KAT6A: variants seen among roughly 807,000 people sequenced by gnomAD.
The protein encoded by KAT6A is lysine acetyltransferase 6A.
A neutral mutation model predicts 198.4 loss-of-function variants in KAT6A; 9 were observed. The ratio of observed to expected loss-of-function variants is 0.05; its 90% CI spans 0.03 to 0.08. The LOEUF is 0.08. KAT6A is among the 10% of genes least tolerant of loss of function. The probability of loss-of-function intolerance (pLI) is 1.00; values close to 1 mark genes in which losing one functional copy is unlikely to be tolerated. For synonymous variants in KAT6A, 890 were observed against 883.0 expected (o/e 1.01, Z -0.14); for missense variants, 2,077 against 2,509.9 (o/e 0.83, Z 3.69).
chr8:41,947,694 A>G, intron 11 of KAT6A, 57 bp downstream of exon 11: 1 of 1,418,948 alleles, frequency 7.0e-7, no homozygotes, highest in Non-Finnish European at 9.7e-7. Context: ...GAGAACCAGC[A>G]AAGATTCTTT....
intron 2 of KAT6A, among the ~76,000 whole-genome samples, chr8:41,988,059 A>C (rs1824717040): frequency 6.6e-6 from 1 of 152,238 alleles, no homozygotes; most frequent in South Asian, 2.1e-4. Flanking sequence ...AGGAAGGGAA[A>C]GGTTGAAAGG....
intron 8 of KAT6A, among the ~76,000 whole-genome samples, chr8:41,959,255 T>A (rs1323063957): frequency 6.7e-6 from 1 of 150,128 alleles, no homozygotes; most frequent in Non-Finnish European, 1.5e-5. Context: ...ATGCTCAACA[T>A]CACTAATAAT....
rs931684696 is a variant in KAT6A at position 41,933,483 on chromosome 8, C to T, written c.4737G>A (p.Gly1579=). 1.9e-6 allele frequency: 3 copies of T among 1,613,406 alleles called. No homozygotes were observed. In the East Asian group the frequency reaches 6.7e-5, roughly 36 times the overall value. Residue 1579 remains glycine, a synonymous_variant, in exon 17 of 17, where the codon GGG becomes GGA. Coordinates refer to ENST00000265713, the MANE Select transcript of KAT6A (RefSeq NM_006766.5). The surrounding 1 kb of genome is among the most constrained non-coding windows in gnomAD (Gnocchi z 6.2). ...YDSTMGGSIC[G]NSSSQSSCSY... ...AGCAGCTGCTCTGGGAAGAGCTGTT[C>T]CCACAGATGCTGCCGCCCATCGTGG...
Position 41,974,800 on chromosome 8 carries a change from G to T in KAT6A, c.1386C>A (p.Gly462=), listed in dbSNP as rs1310578798. 6.2e-7 allele frequency: 1 copy of T among 1,608,550 alleles called. No individual in the cohort carries two copies. The highest frequency in any genetic ancestry group is 1.3e-5 in the African/African-American group (1 of 74,684). ...WPTDNQDGWD[G]KQENEERLFG... is the part of the protein sequence containing the mutation. ...AAAGTCGCTCCTCATTTTCTTGTTTGCCATCCCAGCCATCCTGATTGTCTA... is the reference window on the plus strand; with the variant it reads ...AAAGTCGCTCCTCATTTTCTTGTTTTCCATCCCAGCCATCCTGATTGTCTA... Residue 462 remains glycine, a synonymous_variant, in exon 8 of 17, where the codon GGC becomes GGA. Coordinates refer to ENST00000265713, the MANE Select transcript of KAT6A (RefSeq NM_006766.5).
At chr8:42,007,789 C>G (rs551032415) in intron 2 of KAT6A, among the ~76,000 whole-genome samples, 2 of 151,658 alleles carry the variant, frequency 1.3e-5, no homozygotes, top group African/African-American at 2.4e-5. Flanking sequence ...GGTGAAACCC[C>G]GTCTCTACTA....
rs1028929108 is a variant in KAT6A at position 41,931,586 on chromosome 8, G to A, written c.*619C>T. The A allele has an allele frequency of 1.5e-5, 3 of 201,172 alleles. No individual in the cohort carries two copies. Among genetic ancestry groups the A allele is most frequent in the Non-Finnish European group, 3.1e-5 (3 of 97,782 alleles). 12.5% of individuals were successfully genotyped at this position (201,172 alleles called of 1,614,324 possible). A position where few individuals can be genotyped will look rare whatever the true frequency, so the allele number is the denominator to read the frequency against. On this transcript the variant is annotated 3_prime_UTR_variant, in exon 17 of 17. Coordinates refer to ENST00000265713, the MANE Select transcript of KAT6A (RefSeq NM_006766.5). ...AAGAGGTGTGTGTGTGTGAGGAGTG[G>A]AGGGGATTTTAAAAGGAGAAGCATT...
chr8:41,965,400 A>G (rs985263940), intron 8 of KAT6A, among the ~76,000 whole-genome samples: 21 of 152,354 alleles, frequency 1.4e-4, no homozygotes, highest in African/African-American at 3.6e-4. Context: ...GCCACAGGCC[A>G]TATTTTGCCA....
intron 2 of KAT6A, among the ~76,000 whole-genome samples, chr8:41,998,456 T>C (rs993722325): frequency 2.6e-5 from 4 of 152,160 alleles, no homozygotes; most frequent in Non-Finnish European, 5.9e-5. Context: ...TTTTTCATTC[T>C]TTCACTAATA....
rs1821432862 is a variant in KAT6A at position 41,929,749 on chromosome 8, G to A, written c.*2456C>T. 1 of 192,782 alleles carries A rather than the reference G, an allele frequency of 5.2e-6. No homozygotes were observed. The allele number at this position is 192,782 out of a possible 1,614,324, so 11.9% of individuals were successfully genotyped here. ...GATAGACGTGGCTTCCTTTGTACAT[G>A]CGGCTTTTAGAGGCATCTGGAGCTC... is the stretch of plus-strand genomic sequence containing the variant. On this transcript the variant is annotated 3_prime_UTR_variant, in exon 17 of 17. Transcript: ENST00000265713.
chr8:42,040,271 A>C (rs1310682622), intron 2 of KAT6A, among the ~76,000 whole-genome samples: 1 of 152,206 alleles, frequency 6.6e-6, no homozygotes, highest in African/African-American at 2.4e-5. Context: ...ATACAGAGCA[A>C]AGAAAAAACG....
chr8:41,960,959 T>A (rs929365456), intron 8 of KAT6A, among the ~76,000 whole-genome samples: 6 of 152,312 alleles, frequency 3.9e-5, no homozygotes, highest in African/African-American at 1.4e-4. Flanking sequence ...TAATCGAAGT[T>A]ATTACCTTAA....
chr8:41,989,193 GT>G (rs1242083223), intron 2 of KAT6A, among the ~76,000 whole-genome samples: 1 of 152,100 alleles, frequency 6.6e-6, no homozygotes, highest in Non-Finnish European at 1.5e-5. Context: ...GGTGAGCTTA[GT>G]TTGGGGCTTA....
chr8:41,934,374 C>G lies in KAT6A; in HGVS notation c.3846G>C (p.Glu1282Asp), dbSNP rs370570707. The change falls in exon 17 of 17, where the codon GAG becomes GAC. Residue 1282 changes from glutamate (E) to aspartate (D), a missense_variant. Physicochemically the swap from Glu to Asp is conservative, Grantham distance 45. This residue lies in a region of KAT6A where 375 missense variants were observed against 383.0 expected (regional missense o/e 0.98). Transcript: ENST00000265713. ...EEEEKPRVSE[E>D]QRQSEEEQQE... ...GCTGCTCCTCCTCTGACTGCCTCTG[C>G]TCCTCTGAGACACGGGGCTTCTCTT... 1.2e-5 allele frequency: 20 copies of G among 1,613,988 alleles called. No individual in the cohort carries two copies. Among genetic ancestry groups the G allele is most frequent in the Non-Finnish European group, 3.4e-6 (4 of 1,179,972 alleles).
intron 2 of KAT6A, among the ~76,000 whole-genome samples, chr8:42,016,699 T>G (rs1826286375): frequency 6.6e-6 from 1 of 152,154 alleles, no homozygotes; most frequent in Admixed American, 6.5e-5. Context: ...GTAGATGGCT[T>G]TACTATAAAG....
chr8:42,017,705 C>T (rs1330634841), intron 2 of KAT6A, among the ~76,000 whole-genome samples: 2 of 152,040 alleles, frequency 1.3e-5, no homozygotes, highest in Admixed American at 6.6e-5. Context: ...CAAGGAAGCC[C>T]GAACCTTGTC....
chr8:42,039,826 C>G (rs1314191200), intron 2 of KAT6A, among the ~76,000 whole-genome samples: 1 of 152,008 alleles, frequency 6.6e-6, no homozygotes, highest in Admixed American at 6.5e-5. Context: ...CTCCACCTCC[C>G]GGGTTCACGC....
chr8:42,029,639 A>G (rs907964027), intron 2 of KAT6A, among the ~76,000 whole-genome samples: 3 of 150,720 alleles, frequency 2.0e-5, no homozygotes, highest in Non-Finnish European at 4.4e-5. Flanking sequence ...ATCACAGTTC[A>G]AGAGACAGGG....
At chr8:42,002,962 T>TG (rs1186060172) in intron 2 of KAT6A, among the ~76,000 whole-genome samples, 1 of 152,202 alleles carries the variant, frequency 6.6e-6, no homozygotes, top group East Asian at 1.9e-4. Context: ...GCTGTACTCC[T>TG]GCCAATAATA....
chr8:41,947,796 T>C lies in KAT6A; in HGVS notation c.1857A>G (p.Thr619=). The C allele has an allele frequency of 6.2e-7, 1 of 1,608,646 alleles. No homozygotes were observed. The highest frequency in any genetic ancestry group is 8.5e-7 in the Non-Finnish European group (1 of 1,178,700). The change falls in exon 11 of 17, where the codon ACA becomes ACG. Residue 619 remains threonine (T), a synonymous_variant. Transcript: ENST00000265713. ...DVEPFLFYVL[T]QNDVKGCHLV... Reference sequence around the variant, plus strand: ...GGTGGCAGCCCTTGACATCATTCTGTGTTAGTACATAAAAAAGAAATGGCT... The same window carrying C: ...GGTGGCAGCCCTTGACATCATTCTGCGTTAGTACATAAAAAAGAAATGGCT...
Sources: gnomAD v4.1 joint callset for allele counts (sites outside exome capture counted in the v4.1 genomes callset) on GRCh38, gnomAD v4.1.1 for gene constraint, gnomAD v4.1.1 regional missense constraint, Gnocchi (gnomAD v3.1) non-coding constraint, MANE v1.5 for transcripts, NCBI Gene and HGNC (gene_info 2026-07-23, HGNC 2026-07-21) for gene names.